Variants in PPP2R5E observed in about 807,000 individuals in gnomAD.
PPP2R5E encodes serine/threonine-protein phosphatase 2A 56 kDa regulatory subunit epsilon isoform.
In PPP2R5E, 4 loss-of-function variants were observed where a neutral mutation model predicts 65.3. The observed-to-expected ratio is 0.06, with a 90% CI of 0.03 to 0.14. PPP2R5E has a LOEUF of 0.14. PPP2R5E is among the 10% of genes least tolerant of loss of function. The pLI is 1.00. For synonymous variants in PPP2R5E, 183 were observed against 187.4 expected (o/e 0.98, Z 0.19); for missense variants, 274 against 556.1 (o/e 0.49, Z 5.10).
intron 2 of PPP2R5E, among the ~76,000 whole-genome samples, chr14:63,529,888 C>T (rs1293333107): frequency 6.6e-6 from 1 of 152,124 alleles, no homozygotes; most frequent in Admixed American, 6.6e-5. Context: ...TGGACGGACG[C>T]ACATTATGAT....
intron 2 of PPP2R5E, among the ~76,000 whole-genome samples, chr14:63,459,642 A>G (rs1566718085): frequency 6.6e-6 from 1 of 152,172 alleles, no homozygotes; most frequent in Non-Finnish European, 1.5e-5. Flanking sequence ...GTGAGTTCAA[A>G]GATGTTTGTT....
chr14:63,537,164 G>A (rs1012011937), intron 2 of PPP2R5E, among the ~76,000 whole-genome samples: 7 of 152,106 alleles, frequency 4.6e-5, no homozygotes, highest in African/African-American at 1.2e-4. Context: ...TGAGTGGTCA[G>A]TGAAGTCCTA....
At chr14:63,388,325 G>C (rs1884801810) in intron 11 of PPP2R5E, among the ~76,000 whole-genome samples, 2 of 152,186 alleles carry the variant, frequency 1.3e-5, no homozygotes, top group East Asian at 3.9e-4. Context: ...ATTTTTAATA[G>C]AGACAGGGTT....
chr14:63,404,322 C>T (rs1048424254), intron 5 of PPP2R5E, among the ~76,000 whole-genome samples: 7 of 152,196 alleles, frequency 4.6e-5, no homozygotes, highest in African/African-American at 9.6e-5. Flanking sequence ...AATAGATAAC[C>T]GATAAAATTG....
chr14:63,531,497 T>C (rs971751461), intron 2 of PPP2R5E, among the ~76,000 whole-genome samples: 2 of 148,614 alleles, frequency 1.3e-5, no homozygotes, highest in South Asian at 2.1e-4. Context: ...AAAAAAAAAA[T>C]AACATAGTTT....
intron 5 of PPP2R5E, among the ~76,000 whole-genome samples, chr14:63,408,038 T>G (rs982207456): frequency 5.9e-5 from 9 of 152,188 alleles, no homozygotes; most frequent in Non-Finnish European, 1.3e-4. Context: ...ACATTATTTT[T>G]CCCTAAAATA....
At chr14:63,475,290 T>C (rs530947137) in intron 2 of PPP2R5E, among the ~76,000 whole-genome samples, 1 of 152,388 alleles carries the variant, frequency 6.6e-6, no homozygotes, top group East Asian at 1.9e-4. Context: ...CATTATATCT[T>C]GCCTATAGAT....
intron 2 of PPP2R5E, among the ~76,000 whole-genome samples, chr14:63,503,368 T>C (rs1379927728): frequency 6.6e-6 from 1 of 152,148 alleles, no homozygotes; most frequent in African/African-American, 2.4e-5. Context: ...CAGGCCTCTA[T>C]GTAGAGGTTA....
intron 2 of PPP2R5E, among the ~76,000 whole-genome samples, chr14:63,493,134 T>C (rs573631839): frequency 3.9e-5 from 6 of 152,092 alleles, no homozygotes; most frequent in African/African-American, 1.2e-4. Flanking sequence ...AGTTGTATGA[T>C]AGAGCACCCT....
chr14:63,489,035 G>A (rs773107434), intron 2 of PPP2R5E, among the ~76,000 whole-genome samples: 30 of 152,016 alleles, frequency 2.0e-4, no homozygotes, highest in Non-Finnish European at 3.1e-4. Context: ...GGCGTTAACT[G>A]ACTTATCCAA....
chr14:63,399,370 T>G (rs866600439), intron 5 of PPP2R5E, among the ~76,000 whole-genome samples: 8 of 75,958 alleles, frequency 1.1e-4, no homozygotes. Flanking sequence ...TTCTTTCTTT[T>G]TTTTTTTTTT....
chr14:63,534,070 G>T (rs78289287), intron 2 of PPP2R5E, among the ~76,000 whole-genome samples: 2 of 152,160 alleles, frequency 1.3e-5, no homozygotes, highest in African/African-American at 2.4e-5. Context: ...TAAAGTCAAC[G>T]CAAGGAAATG....
At chr14:63,516,663 C>A (rs1442316512) in intron 2 of PPP2R5E, among the ~76,000 whole-genome samples, 3 of 152,202 alleles carry the variant, frequency 2.0e-5, no homozygotes, top group African/African-American at 2.4e-5. Context: ...CCCGATGTTT[C>A]ACAGGCAAGA....
intron 2 of PPP2R5E, among the ~76,000 whole-genome samples, chr14:63,498,546 G>A (rs377210614): frequency 2.0e-5 from 3 of 151,774 alleles, no homozygotes; most frequent in South Asian, 4.2e-4. Context: ...ATGAATTCAG[G>A]AAGTACTTTT....
Position 63,531,485 on chromosome 14 carries a change from GA to G in PPP2R5E, c.157+8043del, listed in dbSNP as rs1555369615. On this transcript the variant is annotated intron_variant, in intron 2 of 13. Transcript: ENST00000337537. ...AGTATAATAATAATAAAATTAAAAA[GA>G]AAAAAAAAAATAACATAGTTTGGCA... is the stretch of plus-strand genomic sequence containing the variant. Among the ~76,000 whole-genome samples the G allele has an allele frequency of 8.8e-3, 1,061 of 119,966 alleles. 7 individuals carry two copies. Among genetic ancestry groups the G allele is most frequent in the Non-Finnish European group, 0.012 (748 of 61,094 alleles). The allele number at this position is 119,966 out of a possible 152,430, so 78.7% of individuals were successfully genotyped here. A position where few individuals can be genotyped will look rare whatever the true frequency, so the allele number is the denominator to read the frequency against.
chr14:63,436,556 A>C (rs754451653), intron 3 of PPP2R5E, among the ~76,000 whole-genome samples: 12 of 152,224 alleles, frequency 7.9e-5, no homozygotes, highest in Admixed American at 2.6e-4. Context: ...TATAACCATA[A>C]CCATATAACC....
At chr14:63,398,136 A>G (rs889940154) in intron 5 of PPP2R5E, among the ~76,000 whole-genome samples, 17 of 152,228 alleles carry the variant, frequency 1.1e-4, no homozygotes, top group Admixed American at 5.9e-4. Flanking sequence ...AACTAGTCCA[A>G]AAGAGGTAAC....
chr14:63,434,894 T>C (rs6573515), intron 3 of PPP2R5E, among the ~76,000 whole-genome samples: 9,744 of 152,276 alleles, frequency 0.064, 352 homozygotes, highest in African/African-American at 0.08. Flanking sequence ...CTTTTAATAG[T>C]GGAAATTTGG....
At chr14:63,409,289 C>G (rs560065928) in intron 5 of PPP2R5E, among the ~76,000 whole-genome samples, 18 of 151,740 alleles carry the variant, frequency 1.2e-4, no homozygotes, top group African/African-American at 4.1e-4. Flanking sequence ...CGTCTGTAAT[C>G]CCAGCTACTC....
Sources: gnomAD v4.1 joint callset for allele counts (sites outside exome capture counted in the v4.1 genomes callset) on GRCh38, gnomAD v4.1.1 for gene constraint, MANE v1.5 for transcripts, NCBI Gene and HGNC (gene_info 2026-07-23, HGNC 2026-07-21) for gene names.